The following CDK7 variants were observed in gnomAD, a reference collection of about 807,000 sequenced individuals.
CDK7 encodes cyclin-dependent kinase 7.
Under a neutral mutation model 49.1 loss-of-function variants are expected in CDK7, and 25 were observed. The ratio of observed to expected loss-of-function variants is 0.51; its 90% CI spans 0.37 to 0.71. CDK7 has a LOEUF of 0.71. CDK7 is among the 30% of genes least tolerant of loss of function. The pLI, the probability that CDK7 is intolerant of heterozygous loss-of-function variation, is 0.00. For missense variants in CDK7, 316 were observed against 411.7 expected, an observed-to-expected ratio of 0.77 and a Z score of 2.01; for synonymous variants, 107 against 140.0, an observed-to-expected ratio of 0.76 and a Z score of 1.67.
At chr5:69,242,543 T>C (rs1323739853) in intron 2 of CDK7, among the ~76,000 whole-genome samples, 1 of 152,156 alleles carries the variant, frequency 6.6e-6, no homozygotes, top group Non-Finnish European at 1.5e-5. Context: ...GTTGCAAAAT[T>C]CTTGTTACTT....
chr5:69,250,691 C>A, intron 2 of CDK7: 11 of 456,488 alleles, frequency 2.4e-5, no homozygotes, highest in South Asian at 1.5e-4. Context: ...CAAGCTGGTC[C>A]CTAAGCTGCA....
At position 69,242,858 on chromosome 5, in the gene CDK7, C is replaced by A. The variant is rs184524459; in HGVS notation, c.126+7405C>A. 4.8e-4 allele frequency among the ~76,000 whole-genome samples: 73 copies of A among 152,232 alleles called. 1 individual carries two copies. The East Asian group carries it at 0.011, about 23-fold the overall frequency. Reference sequence around the variant, plus strand: ...GTTGGGAGTTTGAGACCAGCCTGACCAACATGGGGAAACCCTGTCTCTACT... The same window carrying A: ...GTTGGGAGTTTGAGACCAGCCTGACAAACATGGGGAAACCCTGTCTCTACT... On this transcript the variant is annotated intron_variant, in intron 2 of 11. Coordinates refer to ENST00000256443, the MANE Select transcript of CDK7 (RefSeq NM_001799.4).
At chr5:69,243,331 C>T (rs1749509209) in intron 2 of CDK7, among the ~76,000 whole-genome samples, 1 of 152,198 alleles carries the variant, frequency 6.6e-6, no homozygotes, top group Admixed American at 6.5e-5. Context: ...CAGAAGGCAT[C>T]AACTTAAGTC....
rs1015170158 is a variant in CDK7, at chr5:69,262,323, A to G, written c.627+19A>G. 1.9e-6 allele frequency: 3 copies of G among 1,613,964 alleles called. 1 individual carries two copies. Among genetic ancestry groups the G allele is most frequent in the Non-Finnish European group, 2.5e-6 (3 of 1,179,874 alleles). ...TCTAAGGGTAAGTCTAAATTAATGT[A>G]CGCACTTTAATATTGTTGTTGCAGT... On this transcript the variant is annotated intron_variant, in intron 8 of 11. Transcript: ENST00000256443.
Position 69,235,528 on chromosome 5 carries a change from A to G in CDK7, c.126+75A>G, listed in dbSNP as rs1019072157. 3.1e-6 allele frequency: 3 copies of G among 970,838 alleles called. No individual in the cohort carries two copies. In the Admixed American group the frequency reaches 5.4e-5, roughly 17 times the overall value. The allele number at this position is 970,838 out of a possible 1,614,324, so 60.1% of individuals were successfully genotyped here. On this transcript the variant is annotated intron_variant, in intron 2 of 11. Transcript: ENST00000256443. ...TTATTAATTGACTGATAGCCATTTT[A>G]TTAGTCTTGACCATACTCTGATAAT...
chr5:69,262,934 G>A (rs1303453545), intron 8 of CDK7, among the ~76,000 whole-genome samples: 5 of 152,062 alleles, frequency 3.3e-5, no homozygotes, highest in African/African-American at 9.7e-5. Context: ...CCTCCTGAGG[G>A]TTTTTTTGTT....
intron 10 of CDK7, among the ~76,000 whole-genome samples, 189 bp from the exon 11 acceptor site, chr5:69,276,354 A>G (rs1368829795): frequency 6.6e-6 from 1 of 152,120 alleles, no homozygotes; most frequent in Non-Finnish European, 1.5e-5. Context: ...TTATCAGCCA[A>G]TCTTAGGATC....
At chr5:69,241,790 C>T (rs920800939) in intron 2 of CDK7, among the ~76,000 whole-genome samples, 1 of 152,050 alleles carries the variant, frequency 6.6e-6, no homozygotes, top group Admixed American at 6.6e-5. Flanking sequence ...GTTTGAGCTT[C>T]TTATATATTC....
chr5:69,261,569 C>T (rs566254108), intron 7 of CDK7, among the ~76,000 whole-genome samples: 2 of 151,170 alleles, frequency 1.3e-5, no homozygotes, highest in Admixed American at 1.3e-4. Context: ...CTGGCACTGT[C>T]GCCCAGGCTG....
intron 9 of CDK7, 76 bp from the exon 10 acceptor site, chr5:69,272,816 C>A (rs1751703892): frequency 2.3e-6 from 2 of 885,588 alleles, no homozygotes; most frequent in Non-Finnish European, 3.2e-6. Context: ...CATCATATCA[C>A]CTGAAAATGA....
rs371282227 is a variant in CDK7 at position 69,262,221 on chromosome 5, G to A, written c.544G>A (p.Glu182Lys). ...GTTCTTTAGGTGGTATCGGGCCCCC[G>A]AGTTACTATTTGGAGCTAGGATGTA... ...QVVTRWYRAP[E>K]LLFGARMYGV... is the part of the protein sequence containing the mutation. The change falls in exon 8 of 12, where the codon GAG (glutamate) becomes AAG (lysine). Residue 182 changes from glutamate (E) to lysine (K), a missense_variant. Coordinates refer to ENST00000256443, the MANE Select transcript of CDK7 (RefSeq NM_001799.4). The A allele has an allele frequency of 2.6e-5, 42 of 1,613,716 alleles. No homozygotes were observed. Among genetic ancestry groups the A allele is most frequent in the Non-Finnish European group, 2.9e-5 (34 of 1,180,048 alleles).
chr5:69,239,290 T>C (rs1407548470), intron 2 of CDK7, among the ~76,000 whole-genome samples: 2 of 152,250 alleles, frequency 1.3e-5, no homozygotes, highest in Non-Finnish European at 2.9e-5. Context: ...GAAAATGGTA[T>C]GTACTTATTG....
intron 9 of CDK7, among the ~76,000 whole-genome samples, chr5:69,272,112 T>C (rs1414184262): frequency 2.0e-5 from 3 of 152,094 alleles, no homozygotes; most frequent in African/African-American, 7.2e-5. Flanking sequence ...TTTGCACATG[T>C]ATGTCGAAGT....
chr5:69,257,174 G>T (rs1750544323), intron 5 of CDK7, among the ~76,000 whole-genome samples: 1 of 152,280 alleles, frequency 6.6e-6, no homozygotes, highest in Middle Eastern at 3.4e-3. Context: ...GGGGGCTTTG[G>T]GGTAAAGGAA....
chr5:69,273,912 G>A (rs1054720343), intron 10 of CDK7, among the ~76,000 whole-genome samples: 2 of 152,142 alleles, frequency 1.3e-5, no homozygotes, highest in African/African-American at 2.4e-5. Flanking sequence ...AGGATAGATA[G>A]ATATAGATGG....
chr5:69,259,631 G>C (rs1183560131), intron 6 of CDK7, among the ~76,000 whole-genome samples, 187 bp from the exon 7 acceptor site: 6 of 151,974 alleles, frequency 3.9e-5, no homozygotes, highest in African/African-American at 1.5e-4. Flanking sequence ...TCCTTACCAA[G>C]GTTATATATT....
chr5:69,256,203 G>C (rs1408054506), intron 5 of CDK7, among the ~76,000 whole-genome samples: 1 of 151,728 alleles, frequency 6.6e-6, no homozygotes, highest in East Asian at 2.0e-4. Context: ...CAAGGCAAGA[G>C]GATTGCTTAA....
chr5:69,260,791 A>T (rs1290169327), intron 7 of CDK7, among the ~76,000 whole-genome samples: 2 of 152,174 alleles, frequency 1.3e-5, no homozygotes, highest in African/African-American at 4.8e-5. Context: ...CGTTTTAAGG[A>T]TCTGCAAAGA....
intron 2 of CDK7, among the ~76,000 whole-genome samples, chr5:69,236,640 TTTTTA>T (rs1487693133): frequency 2.1e-5 from 3 of 141,340 alleles, no homozygotes; most frequent in Non-Finnish European, 4.4e-5. Context: ...ATTTTTTTAT[TTTTTA>T]TTTTATTTTA....
Sources: allele counts gnomAD v4.1 joint callset (sites outside exome capture counted in the v4.1 genomes callset), GRCh38; gene constraint gnomAD v4.1.1; transcripts MANE v1.5; gene names NCBI Gene and HGNC (gene_info 2026-07-23, HGNC 2026-07-21).